Variants in VGLL4 observed in about 807,000 individuals in gnomAD.
The protein encoded by VGLL4 is vestigial like family member 4.
Under a neutral mutation model 21.0 loss-of-function variants are expected in VGLL4, and 7 were observed. The ratio of observed to expected loss-of-function variants is 0.33; its 90% confidence interval spans 0.19 to 0.63. VGLL4 has a LOEUF of 0.63. Ranked by LOEUF, VGLL4 falls within the 20% of genes least tolerant of loss-of-function variation. The pLI is 0.78. For missense variants in VGLL4, 394 were observed against 425.7 expected, an observed-to-expected ratio of 0.93 and a Z score of 0.66; for synonymous variants, 222 against 173.2, an observed-to-expected ratio of 1.28 and a Z score of -2.21.
chr3:11,612,324 T>C (rs539553852), intron 1 of VGLL4: 1 of 152,192 alleles, frequency 6.6e-6, no homozygotes, highest in East Asian at 1.9e-4. Context: ...TGTATCTTGA[T>C]AGACTATGTA....
At chr3:11,644,985 T>C (rs1018688509), upstream of VGLL4, among the ~76,000 whole-genome samples, 1 of 151,730 alleles carries the variant, frequency 6.6e-6, no homozygotes, top group African/African-American at 2.4e-5. Flanking sequence ...AAAATTATTT[T>C]CATTTGGCAT....
intron 1 of VGLL4, among the ~76,000 whole-genome samples, chr3:11,628,319 C>T (rs908341475): frequency 6.6e-6 from 1 of 150,834 alleles, no homozygotes; most frequent in African/African-American, 2.4e-5. Context: ...ACCCGGGAGG[C>T]AGAGGTTGCG....
At chr3:11,623,701 A>T (rs2075305107) in intron 1 of VGLL4, among the ~76,000 whole-genome samples, 1 of 152,152 alleles carries the variant, frequency 6.6e-6, no homozygotes, top group African/African-American at 2.4e-5. Flanking sequence ...GCTCATATGT[A>T]AAGCAAAAGT....
Position 11,557,009 on chromosome 3 carries a change from G to T in VGLL4, c.*1547C>A, listed in dbSNP as rs1334098571. ...ACAGCTAAAAACTGTAAAACCGGGGGTCATACGGTGTGCAGAGTCCACAAA... is the reference window on the plus strand; with the variant it reads ...ACAGCTAAAAACTGTAAAACCGGGGTTCATACGGTGTGCAGAGTCCACAAA... On this transcript the variant is annotated 3_prime_UTR_variant, in exon 5 of 5. Transcript: ENST00000430365. The T allele has an allele frequency of 2.0e-5, 3 of 152,550 alleles. No individual in the cohort carries two copies. Among genetic ancestry groups the T allele is most frequent in the Non-Finnish European group, 4.4e-5 (3 of 68,058 alleles). The allele number at this position is 152,550 out of a possible 1,614,324, so 9.4% of individuals were successfully genotyped here.
chr3:11,698,656 T>C (rs575697574), intron 2 of VGLL4, among the ~76,000 whole-genome samples: 2 of 152,310 alleles, frequency 1.3e-5, no homozygotes, highest in East Asian at 3.9e-4. Context: ...TAGACACTGA[T>C]TACATCAATG....
chr3:11,577,227 C>A (rs2074080028), intron 2 of VGLL4, among the ~76,000 whole-genome samples: 1 of 152,214 alleles, frequency 6.6e-6, no homozygotes, highest in South Asian at 2.1e-4. Context: ...TGTCATCTTT[C>A]AAAATTTCAA....
chr3:11,567,144 C>T lies in VGLL4; in HGVS notation c.273-2125G>A, dbSNP rs1354176698. 2.0e-5 allele frequency among the ~76,000 whole-genome samples: 3 copies of T among 152,266 alleles called. No individual in the cohort carries two copies. The South Asian group carries it at 6.2e-4, about 32-fold the overall frequency. ...TTCTGCGCCATCTCCAGCAGGGGCA[C>T]GCGCTCAGCTTAGTGACCCGAGGCG... On this transcript the variant is annotated intron_variant, in intron 2 of 4. Transcript: ENST00000430365.
chr3:11,588,023 G>A (rs1443501442), intron 2 of VGLL4, among the ~76,000 whole-genome samples: 1 of 152,196 alleles, frequency 6.6e-6, no homozygotes, highest in Non-Finnish European at 1.5e-5. Flanking sequence ...TGGCACATGT[G>A]GAAGTAAACA....
chr3:11,671,089 C>CT (rs2076208176), intron 2 of VGLL4, among the ~76,000 whole-genome samples: 1 of 152,102 alleles, frequency 6.6e-6, no homozygotes, highest in African/African-American at 2.4e-5. Flanking sequence ...ACAGCAGCTG[C>CT]CCCCGTCCTT....
intron 1 of VGLL4, among the ~76,000 whole-genome samples, chr3:11,628,737 G>T (rs2075412502): frequency 6.6e-6 from 1 of 152,080 alleles, no homozygotes; most frequent in African/African-American, 2.4e-5. Flanking sequence ...GAAGAATGGT[G>T]TGAACACGGG....
chr3:11,572,180 T>C (rs940068894), intron 2 of VGLL4, among the ~76,000 whole-genome samples: 1 of 152,232 alleles, frequency 6.6e-6, no homozygotes, highest in African/African-American at 2.4e-5. Flanking sequence ...CTCTCATTTA[T>C]TGAAGGACAT....
chr3:11,699,089 C>G (rs2076644757), intron 2 of VGLL4, among the ~76,000 whole-genome samples: 1 of 152,066 alleles, frequency 6.6e-6, no homozygotes, highest in Non-Finnish European at 1.5e-5. Context: ...GTTAACCTCC[C>G]CTAAAGTCTG....
chr3:11,646,308 T>G (rs1378640182), upstream of VGLL4, among the ~76,000 whole-genome samples: 2 of 152,246 alleles, frequency 1.3e-5, no homozygotes, highest in Non-Finnish European at 2.9e-5. Context: ...ATTTAACTGA[T>G]AGTTTTGGAG....
chr3:11,644,952 T>A (rs1367154733), upstream of VGLL4, among the ~76,000 whole-genome samples: 123 of 151,966 alleles, frequency 8.1e-4, 4 homozygotes, highest in Non-Finnish European at 1.6e-4. Flanking sequence ...AAAAGTGTAC[T>A]TGAAATTATA....
chr3:11,673,959 C>T (rs1442298113), intron 2 of VGLL4, among the ~76,000 whole-genome samples: 1 of 138,292 alleles, frequency 7.2e-6, no homozygotes, highest in Non-Finnish European at 1.5e-5. Flanking sequence ...TTGCAGTGAG[C>T]TGAGATCGCG....
At chr3:11,643,937 G>T (rs957301364), upstream of VGLL4, 116 of 993,890 alleles carry the variant, frequency 1.2e-4, no homozygotes, top group Non-Finnish European at 1.3e-4. Flanking sequence ...CTCCTATGCC[G>T]CCGCTTCCTC....
chr3:11,643,766 A>T lies in VGLL4; in HGVS notation c.-248T>A, dbSNP rs2075741222. 2 of 1,218,146 alleles carry T rather than the reference A, an allele frequency of 1.6e-6. No homozygotes were observed. The highest frequency in any genetic ancestry group is 2.0e-6 in the Non-Finnish European group (2 of 976,218). 75.5% of individuals were successfully genotyped at this position (1,218,146 alleles called of 1,614,324 possible). A position where few individuals can be genotyped will look rare whatever the true frequency, so the allele number is the denominator to read the frequency against. On this transcript the variant is annotated 5_prime_UTR_variant, in exon 1 of 5. Coordinates refer to ENST00000430365, the MANE Select transcript of VGLL4 (RefSeq NM_001128219.3). ...GTATGTACTGTATCCCCGATCGAGTATGAAAACAGCGTTTCAGAAGTCCTT... is the reference window on the plus strand; with the variant it reads ...GTATGTACTGTATCCCCGATCGAGTTTGAAAACAGCGTTTCAGAAGTCCTT...
At chr3:11,718,632 G>C (rs781492678) in intron 1 of VGLL4, among the ~76,000 whole-genome samples, 6 of 151,930 alleles carry the variant, frequency 3.9e-5, no homozygotes, top group Non-Finnish European at 7.4e-5. Context: ...TGACTATTTA[G>C]AGGAAACAAC....
intron 2 of VGLL4, among the ~76,000 whole-genome samples, chr3:11,679,544 G>T (rs541512283): frequency 1.3e-5 from 2 of 152,016 alleles, no homozygotes; most frequent in South Asian, 4.2e-4. Context: ...TTAGCCAGGC[G>T]TGGTAGCATG....
Sources: gnomAD v4.1 joint callset for allele counts (sites outside exome capture counted in the v4.1 genomes callset) on GRCh38, gnomAD v4.1.1 for gene constraint, MANE v1.5 for transcripts, NCBI Gene and HGNC (gene_info 2026-07-23, HGNC 2026-07-21) for gene names.